The following DOCK4 variants were observed in gnomAD, a reference collection of about 807,000 sequenced individuals.
DOCK4 encodes dedicator of cytokinesis protein 4.
DOCK4 carries 97 observed loss-of-function variants against 268.1 expected under a neutral mutation model. The ratio of observed to expected loss-of-function variants is 0.36; its 90% CI spans 0.31 to 0.43. The LOEUF (loss-of-function observed/expected upper bound fraction) is 0.43, where lower values mean the gene tolerates loss of function less well. Among genes scored for constraint, DOCK4 ranks in the 20% least tolerant of loss-of-function variants. The probability of loss-of-function intolerance (pLI) is 1.00; values close to 1 mark genes in which losing one functional copy is unlikely to be tolerated. For missense variants in DOCK4, 2,145 were observed against 2,455.7 expected, an observed-to-expected ratio of 0.87 and a Z score of 2.67; for synonymous variants, 954 against 887.2, an observed-to-expected ratio of 1.08 and a Z score of -1.34.
intron 1 of DOCK4, among the ~76,000 whole-genome samples, chr7:112,202,997 A>T (rs1821079168): frequency 1.3e-5 from 2 of 152,158 alleles, no homozygotes; most frequent in Non-Finnish European, 2.9e-5. Context: ...TCACAACAAA[A>T]GTGTCTCTGT....
intron 1 of DOCK4, among the ~76,000 whole-genome samples, chr7:112,107,936 T>C (rs1432482005): frequency 6.6e-6 from 1 of 152,190 alleles, no homozygotes; most frequent in Non-Finnish European, 1.5e-5. Context: ...ATACTAAATT[T>C]TGCAGAGGCA....
chr7:111,741,935 T>C (rs1795945284), intron 45 of DOCK4, 78 bp downstream of exon 45: 3 of 1,495,334 alleles, frequency 2.0e-6, no homozygotes, highest in African/African-American at 2.8e-5. Context: ...GATGTCACTA[T>C]TGGATACATC....
At chr7:111,929,934 G>A (rs772501114) in intron 12 of DOCK4, among the ~76,000 whole-genome samples, 5 of 152,174 alleles carry the variant, frequency 3.3e-5, no homozygotes, top group Admixed American at 3.3e-4. Context: ...CATAGCCAAT[G>A]ATTTTTACAC....
chr7:111,735,670 T>TA (rs1228689149), intron 50 of DOCK4, among the ~76,000 whole-genome samples: 1 of 152,206 alleles, frequency 6.6e-6, no homozygotes, highest in Non-Finnish European at 1.5e-5. Context: ...AATATGTCCT[T>TA]AAAAAATGAT....
chr7:111,870,856 T>C (rs980026818), intron 20 of DOCK4, among the ~76,000 whole-genome samples: 5 of 152,178 alleles, frequency 3.3e-5, no homozygotes, highest in African/African-American at 1.2e-4. Flanking sequence ...TTTTCTAGCT[T>C]CCAAAGACAA....
At chr7:112,115,187 C>T (rs759688435) in intron 1 of DOCK4, among the ~76,000 whole-genome samples, 5 of 152,114 alleles carry the variant, frequency 3.3e-5, no homozygotes, top group Non-Finnish European at 7.4e-5. Context: ...CCAATGGCTG[C>T]GTAAAAGAAT....
At chr7:112,167,716 C>T (rs1364136814) in intron 1 of DOCK4, among the ~76,000 whole-genome samples, 2 of 152,016 alleles carry the variant, frequency 1.3e-5, no homozygotes, top group Non-Finnish European at 2.9e-5. Flanking sequence ...TTCAAGCCAA[C>T]CTCAGTAAGC....
In DOCK4 at chr7:112,138,181, C is replaced by A. The variant is rs2116230930; in HGVS notation, c.37+67921G>T. Among the ~76,000 whole-genome samples the A allele has an allele frequency of 2.6e-5, 4 of 152,324 alleles. No homozygotes were observed. In the Middle Eastern group the frequency reaches 0.01, roughly 389 times the overall value. ...TGTTATTTCCCTTTTACTCTAAAGA[C>A]AATGATTTTACTATCTTTTCAGTAC... On this transcript the variant is annotated intron_variant, in intron 1 of 52. Coordinates refer to ENST00000428084, the MANE Select transcript of DOCK4 (RefSeq NM_001363540.2).
At chr7:111,756,637 T>G (rs1460258769) in intron 41 of DOCK4, among the ~76,000 whole-genome samples, 1 of 152,160 alleles carries the variant, frequency 6.6e-6, no homozygotes, top group African/African-American at 2.4e-5. Context: ...ACACGTTTCT[T>G]TTTTGTCAAC....
At chr7:111,933,271 CATATATACAT>C (rs1324431094) in intron 12 of DOCK4, among the ~76,000 whole-genome samples, 5 of 115,844 alleles carry the variant, frequency 4.3e-5, no homozygotes, top group African/African-American at 7.0e-5. Context: ...TATATATATA[CATATATACAT>C]ATATATATAT....
intron 8 of DOCK4, among the ~76,000 whole-genome samples, chr7:111,970,337 A>C (rs891996434): frequency 2.6e-5 from 4 of 151,554 alleles, no homozygotes; most frequent in African/African-American, 9.7e-5. Flanking sequence ...AGAAAAAAAA[A>C]CTCTCCGTGC....
At chr7:112,190,646 G>A (rs987497583) in intron 1 of DOCK4, among the ~76,000 whole-genome samples, 2 of 151,256 alleles carry the variant, frequency 1.3e-5, no homozygotes, top group Admixed American at 6.6e-5. Flanking sequence ...ACCATAAAAT[G>A]ACTTTGAACT....
chr7:111,788,588 G>A (rs140433419), intron 32 of DOCK4, 74 bp downstream of exon 32: 107 of 1,206,666 alleles, frequency 8.9e-5, no homozygotes, highest in Admixed American at 1.4e-4. Context: ...CTCAGCTACC[G>A]TGGTGCAGAG....
At chr7:111,997,967 T>A (rs953091162) in intron 4 of DOCK4, among the ~76,000 whole-genome samples, 2 of 152,198 alleles carry the variant, frequency 1.3e-5, no homozygotes, top group African/African-American at 4.8e-5. Flanking sequence ...AAACAAAGTA[T>A]CATATAAATG....
chr7:111,874,592 T>G (rs376055967), intron 17 of DOCK4, among the ~76,000 whole-genome samples: 54 of 152,360 alleles, frequency 3.5e-4, no homozygotes, highest in Non-Finnish European at 5.6e-4. Context: ...CTTTTTACTT[T>G]TGCCATCTGA....
chr7:111,961,708 T>A (rs1374578857), intron 8 of DOCK4, among the ~76,000 whole-genome samples: 1 of 152,208 alleles, frequency 6.6e-6, no homozygotes, highest in Non-Finnish European at 1.5e-5. Flanking sequence ...GATATAACAC[T>A]CAATGTCCTA....
At chr7:111,932,786 G>T (rs75651410) in intron 12 of DOCK4, among the ~76,000 whole-genome samples, 1 of 151,976 alleles carries the variant, frequency 6.6e-6, no homozygotes, top group African/African-American at 2.4e-5. Context: ...CTCAATTCTA[G>T]TGGTATACTA....
At chr7:112,048,389 CAAAAAAAAA>C (rs59810546) in intron 1 of DOCK4, among the ~76,000 whole-genome samples, 10 of 72,124 alleles carry the variant, frequency 1.4e-4, no homozygotes, top group African/African-American at 2.3e-4. Context: ...ACTAAAAATA[CAAAAAAAAA>C]AAAAAAAAAA....
intron 12 of DOCK4, among the ~76,000 whole-genome samples, chr7:111,929,482 T>C (rs542614974): frequency 6.6e-4 from 101 of 152,190 alleles, no homozygotes; most frequent in Middle Eastern, 3.4e-3. Context: ...TGCCAATAAG[T>C]ACTACTTTTA....
Sources: allele counts gnomAD v4.1 joint callset (sites outside exome capture counted in the v4.1 genomes callset), GRCh38; gene constraint gnomAD v4.1.1; transcripts MANE v1.5; gene names NCBI Gene and HGNC (gene_info 2026-07-23, HGNC 2026-07-21).